The following PIGG variants were observed in gnomAD, a reference collection of about 807,000 sequenced individuals.
The protein encoded by PIGG is phosphatidylinositol glycan anchor biosynthesis class G (EMM blood group), also known as GPI ethanolamine phosphate transferase 2, catalytic subunit.
Under a neutral mutation model 83.2 loss-of-function variants are expected in PIGG, and 70 were observed. That is an observed-to-expected ratio of 0.84 (90% confidence interval 0.69 to 1.03). The LOEUF (loss-of-function observed/expected upper bound fraction) is 1.03, where lower values mean the gene tolerates loss of function less well. Ranked by LOEUF, PIGG falls within the 50% of genes least tolerant of loss-of-function variation. PIGG has a pLI of 0.00. For synonymous variants in PIGG, 532 were observed against 519.5 expected (o/e 1.02, Z -0.33); for missense variants, 1,257 against 1,233.6 (o/e 1.02, Z -0.28).
rs1727356615 is a variant in PIGG, at chr4:525,589, G to GATTCCTGGGGCCACGTTAGT, written c.2070-1449_2070-1430dup. 2.6e-5 allele frequency: 4 copies of GATTCCTGGGGCCACGTTAGT among 153,676 alleles called. No individual in the cohort carries two copies. In the Admixed American group the frequency reaches 2.6e-4, roughly 10 times the overall value. 9.5% of individuals were successfully genotyped at this position (153,676 alleles called of 1,614,324 possible). On this transcript the variant is annotated intron_variant, in intron 9 of 12. Coordinates refer to ENST00000453061, the MANE Select transcript of PIGG (RefSeq NM_001127178.3). ...GACTCAGTCTTGGTGAGCACGTGAG[G>GATTCCTGGGGCCACGTTAGT]ATTCCTGGGGCCACGTTAGTGGCAC...
intron 2 of PIGG, among the ~76,000 whole-genome samples, chr4:503,449 C>T (rs943068800): frequency 6.6e-6 from 1 of 152,188 alleles, no homozygotes; most frequent in African/African-American, 2.4e-5. Context: ...CTTCCGTGTT[C>T]CCTTGCCCTT....
intron 11 of PIGG, chr4:531,037 T>C (rs112436301): frequency 1.5e-5 from 6 of 390,540 alleles, no homozygotes; most frequent in African/African-American, 8.2e-5. Context: ...GTTGTTCACT[T>C]GCTTCACTGA....
At chr4:530,352 A>T in intron 10 of PIGG, 84 bp from the exon 11 acceptor site, 1 of 924,992 alleles carries the variant, frequency 1.1e-6, no homozygotes, top group Non-Finnish European at 1.7e-6. Context: ...TTCCCTGGGT[A>T]GATAGGTGTG....
chr4:506,599 T>C (rs1436314663), intron 3 of PIGG, among the ~76,000 whole-genome samples: 10 of 152,212 alleles, frequency 6.6e-5, no homozygotes, highest in Non-Finnish European at 7.3e-5. Context: ...TGACTGAGTT[T>C]TCCTGACTAT....
chr4:506,682 G>T, intron 3 of PIGG: 1 of 446,018 alleles, frequency 2.2e-6, no homozygotes. Flanking sequence ...CTAGCTGAGG[G>T]GTCAGGGCTC....
intron 5 of PIGG, among the ~76,000 whole-genome samples, chr4:512,624 G>T (rs1031783201): frequency 6.6e-6 from 1 of 151,902 alleles, no homozygotes; most frequent in Non-Finnish European, 1.5e-5. Flanking sequence ...AGACCAGCCT[G>T]ACCAACACGG....
intron 3 of PIGG, among the ~76,000 whole-genome samples, chr4:506,525 T>G (rs1209148616): frequency 6.6e-6 from 1 of 152,246 alleles, no homozygotes; most frequent in African/African-American, 2.4e-5. Flanking sequence ...CTGGGCCTTA[T>G]GGAGCATCTG....
chr4:508,857 T>A lies in PIGG; in HGVS notation c.788T>A (p.Leu263Gln), dbSNP rs1720861840. 7 of 1,614,014 alleles carry A rather than the reference T, an allele frequency of 4.3e-6. No homozygotes were observed. The highest frequency in any genetic ancestry group is 5.9e-6 in the Non-Finnish European group (7 of 1,179,992). The change falls in exon 5 of 13, where the codon CTG (leucine) becomes CAG (glutamine). Residue 263 changes from leucine to glutamine, a missense_variant. Leu to Gln is a moderately radical substitution (Grantham distance 113, BLOSUM62 -2). Coordinates refer to ENST00000453061, the MANE Select transcript of PIGG (RefSeq NM_001127178.3). Reference protein sequence around the residue: ...KERETPLPNLLVLCGDHGMSE... With the variant: ...KERETPLPNLQVLCGDHGMSE... ...AGAGAGACGCCTTTACCCAATTTGC[T>A]GGTTCTTTGTGGTGACCATGGCATG...
intron 6 of PIGG, among the ~76,000 whole-genome samples, chr4:518,485 CG>C (rs1327592249): frequency 1.3e-5 from 2 of 152,020 alleles, no homozygotes; most frequent in African/African-American, 4.8e-5. Context: ...CCCAGCTACT[CG>C]GGAGGCTGAG....
intron 8 of PIGG, chr4:522,977 G>A (rs80026264): frequency 0.11 from 16,641 of 153,890 alleles, 988 homozygotes; most frequent in East Asian, 0.19. Flanking sequence ...GAAATTTGAG[G>A]TCTGGTTTGG....
At chr4:509,497 C>G (rs1721132974) in intron 5 of PIGG, among the ~76,000 whole-genome samples, 1 of 152,216 alleles carries the variant, frequency 6.6e-6, no homozygotes. Flanking sequence ...GCCGGCCTTG[C>G]TGTCCTGTCG....
chr4:519,340 G>T (rs142623303), intron 6 of PIGG, among the ~76,000 whole-genome samples: 1 of 152,192 alleles, frequency 6.6e-6, no homozygotes, highest in Non-Finnish European at 1.5e-5. Flanking sequence ...CGTCGTCCAC[G>T]CTCCATGGAT....
At chr4:519,779 C>T (rs1264213831) in intron 6 of PIGG, among the ~76,000 whole-genome samples, 12 of 88,770 alleles carry the variant, frequency 1.4e-4, no homozygotes, top group Non-Finnish European at 1.7e-4. Flanking sequence ...GGTTCACGCT[C>T]AGGGACCTGG....
At chr4:538,335 A>G (rs1057267740) in intron 12 of PIGG, among the ~76,000 whole-genome samples, 1 of 152,164 alleles carries the variant, frequency 6.6e-6, no homozygotes, top group Non-Finnish European at 1.5e-5. Context: ...GGGTACATTA[A>G]CATACTTCGA....
chr4:499,380 CG>C lies in PIGG; in HGVS notation c.46del (p.Glu16ArgfsTer3), dbSNP rs782146914. 1 of 1,610,168 alleles carries C rather than the reference CG, an allele frequency of 6.2e-7. No individual in the cohort carries two copies. Among genetic ancestry groups the C allele is most frequent in the East Asian group, 2.2e-5 (1 of 44,860 alleles). On this transcript the variant is annotated frameshift_variant, in exon 1 of 13. Transcript: ENST00000453061. LOFTEE classifies it high-confidence loss of function. ...GTFATCCVAIEVLGIAVFLRG... is the reference protein window; with the variant it reads ...GTFATCCVAIXVLGIAVFLRG... Reference sequence around the variant, plus strand: ...CTTTCGCTACCTGTTGCGTAGCGATCGAGGTGCTAGGGATCGCGGTCTTCCT... The same window carrying C: ...CTTTCGCTACCTGTTGCGTAGCGATCAGGTGCTAGGGATCGCGGTCTTCCT...
rs143628447 is a variant in PIGG, at chr4:527,299, G to A, written c.2261+69G>A. On this transcript the variant is annotated intron_variant, in intron 10 of 12. Transcript: ENST00000453061. ...TTTGAAGAACTGGCGGACACGGGGC[G>A]CGTGGAACCACTTCACTGTTTGATG... 173 of 1,470,146 alleles carry A rather than the reference G, an allele frequency of 1.2e-4. No homozygotes were observed. In the East Asian group the frequency reaches 3.6e-3, roughly 31 times the overall value. 91.1% of individuals were successfully genotyped at this position (1,470,146 alleles called of 1,614,324 possible).
Position 500,442 on chromosome 4 carries a change from AGTT to A in PIGG, c.205_207del (p.Val69del). Reference sequence around the variant, plus strand: ...CGCTGCCACCACCTCTCTTCAGTAAAGTTGTTATTGTTCTGATAGATGCCTTGA... The same window carrying A: ...CGCTGCCACCACCTCTCTTCAGTAAAGTTATTGTTCTGATAGATGCCTTGA... On this transcript the variant is annotated inframe_deletion, in exon 2 of 13. Transcript: ENST00000453061. 2 of 1,613,976 alleles carry A rather than the reference AGTT, an allele frequency of 1.2e-6. No individual in the cohort carries two copies. Among genetic ancestry groups the A allele is most frequent in the Non-Finnish European group, 1.7e-6 (2 of 1,179,940 alleles).
intron 12 of PIGG, among the ~76,000 whole-genome samples, chr4:535,295 GC>G (rs1316289288): frequency 6.9e-6 from 1 of 144,062 alleles, no homozygotes; most frequent in Non-Finnish European, 1.5e-5. Flanking sequence ...AGCGTTCACA[GC>G]CTTTGGAGGG....
chr4:533,675 C>T (rs1481549431), intron 11 of PIGG, 143 bp from the exon 12 acceptor site: 4 of 734,028 alleles, frequency 5.4e-6, no homozygotes, highest in Non-Finnish European at 9.1e-6. Flanking sequence ...TGGGCAGCCA[C>T]CTCTGACCAC....
Sources: allele counts gnomAD v4.1 joint callset (sites outside exome capture counted in the v4.1 genomes callset), GRCh38; gene constraint gnomAD v4.1.1; transcripts MANE v1.5; gene names NCBI Gene and HGNC (gene_info 2026-07-23, HGNC 2026-07-21).